PDE10A: variants seen among roughly 807,000 people sequenced by gnomAD.
PDE10A encodes phosphodiesterase 10A, also known as cAMP and cAMP-inhibited cGMP 3',5'-cyclic phosphodiesterase 10A.
PDE10A carries 39 observed loss-of-function variants against 97.7 expected under a neutral mutation model. The ratio of observed to expected loss-of-function variants is 0.40; its 90% CI spans 0.31 to 0.52. The LOEUF is 0.52. Ranked by LOEUF, PDE10A falls within the 20% of genes least tolerant of loss-of-function variation. The pLI is 0.56. For missense variants in PDE10A, 731 were observed against 1,047.8 expected (o/e 0.70, Z 4.17); for synonymous variants, 371 against 376.8 (o/e 0.98, Z 0.18).
chr6:165,458,747 C>T (rs1185928126), intron 3 of PDE10A, among the ~76,000 whole-genome samples: 1 of 152,096 alleles, frequency 6.6e-6, no homozygotes, highest in Non-Finnish European at 1.5e-5. Context: ...TGGTGTGCCC[C>T]TTTATTCCTA....
At chr6:165,726,231 G>C (rs1365354133) in intron 1 of PDE10A, among the ~76,000 whole-genome samples, 1 of 152,132 alleles carries the variant, frequency 6.6e-6, no homozygotes, top group Non-Finnish European at 1.5e-5. Flanking sequence ...CCAGCTCTTG[G>C]AGGAAACAAG....
At chr6:165,891,883 T>C (rs969307220) in intron 1 of PDE10A, among the ~76,000 whole-genome samples, 1 of 152,030 alleles carries the variant, frequency 6.6e-6, no homozygotes. Flanking sequence ...ATAACCTTCG[T>C]GATCACCCCC....
intron 21 of PDE10A, among the ~76,000 whole-genome samples, chr6:165,333,344 C>T (rs923931381): frequency 2.6e-5 from 4 of 152,150 alleles, no homozygotes; most frequent in Non-Finnish European, 4.4e-5. Flanking sequence ...GCACCTTGGT[C>T]CATCCGCTCT....
At chr6:165,607,622 A>G (rs1345770951) in intron 1 of PDE10A, among the ~76,000 whole-genome samples, 3 of 152,186 alleles carry the variant, frequency 2.0e-5, no homozygotes, top group Admixed American at 1.3e-4. Context: ...TAAGCGACAC[A>G]TAACTGTATT....
At chr6:165,839,618 C>T (rs1010496215) in intron 1 of PDE10A, among the ~76,000 whole-genome samples, 1 of 152,050 alleles carries the variant, frequency 6.6e-6, no homozygotes, top group African/African-American at 2.4e-5. Flanking sequence ...TTCAAGGGCT[C>T]TCTCTATTTC....
intron 1 of PDE10A, among the ~76,000 whole-genome samples, chr6:165,722,253 G>T (rs183206536): frequency 6.6e-6 from 1 of 152,184 alleles, no homozygotes; most frequent in Non-Finnish European, 1.5e-5. Context: ...ATTATCTGTG[G>T]AGCACAGAAG....
At chr6:165,818,269 G>C (rs1056803669) in intron 1 of PDE10A, among the ~76,000 whole-genome samples, 1 of 152,102 alleles carries the variant, frequency 6.6e-6, no homozygotes, top group African/African-American at 2.4e-5. Flanking sequence ...GAAGTAAAAG[G>C]AGAAACTGAT....
Position 165,416,602 on chromosome 6 carries a change from A to G in PDE10A, c.1797-321T>C, listed in dbSNP as rs113569380. Among the ~76,000 whole-genome samples, 1,427 of 152,320 alleles carry G rather than the reference A, an allele frequency of 9.4e-3. 49 individuals carry two copies. The highest frequency in any genetic ancestry group is 0.085 in the South Asian group (408 of 4,826). ...CTTATAATTTACAAGACGCTTCAACATAAATTTTTTTAGTGGATTCTCAAT... is the reference window on the plus strand; with the variant it reads ...CTTATAATTTACAAGACGCTTCAACGTAAATTTTTTTAGTGGATTCTCAAT... On this transcript the variant is annotated intron_variant, in intron 11 of 21. Coordinates refer to ENST00000539869, the MANE Select transcript of PDE10A (RefSeq NM_001385079.1).
At chr6:165,600,427 C>T (rs562204424) in intron 1 of PDE10A, among the ~76,000 whole-genome samples, 17 of 152,354 alleles carry the variant, frequency 1.1e-4, no homozygotes, top group Middle Eastern at 3.4e-3. Flanking sequence ...CTTTTGAGGA[C>T]GCTTGCTTCT....
chr6:165,566,693 C>G (rs1211430981), intron 1 of PDE10A, among the ~76,000 whole-genome samples: 3 of 152,130 alleles, frequency 2.0e-5, no homozygotes, highest in Non-Finnish European at 4.4e-5. Context: ...ATGAGTTGCT[C>G]TGTTCTAAAG....
intron 1 of PDE10A, among the ~76,000 whole-genome samples, chr6:165,765,405 G>A (rs1355873249): frequency 3.9e-5 from 6 of 152,250 alleles, no homozygotes; most frequent in African/African-American, 7.2e-5. Flanking sequence ...CAGGCATGGC[G>A]GGCTGCAGTC....
intron 2 of PDE10A, among the ~76,000 whole-genome samples, chr6:165,503,472 A>C (rs1422738652): frequency 6.6e-6 from 1 of 152,174 alleles, no homozygotes; most frequent in Non-Finnish European, 1.5e-5. Context: ...GAACAACAAG[A>C]GTCCATGCAG....
intron 2 of PDE10A, among the ~76,000 whole-genome samples, chr6:165,525,120 G>A (rs893005460): frequency 5.3e-5 from 8 of 152,152 alleles, no homozygotes; most frequent in Non-Finnish European, 1.0e-4. Flanking sequence ...ATAATAGTCT[G>A]AAGTCCCGGC....
chr6:165,812,586 G>C (rs548066253), intron 1 of PDE10A, among the ~76,000 whole-genome samples: 1 of 152,294 alleles, frequency 6.6e-6, no homozygotes, highest in African/African-American at 2.4e-5. Context: ...TTTCTCAAAA[G>C]TTTGGAGTTG....
At chr6:165,847,692 C>T (rs1002227899) in intron 1 of PDE10A, among the ~76,000 whole-genome samples, 12 of 152,224 alleles carry the variant, frequency 7.9e-5, no homozygotes, top group African/African-American at 2.7e-4. Flanking sequence ...ACTCCCATAG[C>T]GTAAGCCAGC....
Position 165,543,545 on chromosome 6 carries a change from C to A in PDE10A, c.889G>T (p.Ala297Ser). 6.2e-7 allele frequency: 1 copy of A among 1,610,040 alleles called. No homozygotes were observed. The highest frequency in any genetic ancestry group is 1.3e-5 in the African/African-American group (1 of 74,928). ...SPSLTDEKVK[A>S]YLSLHPQVLD... The stretch of plus-strand genomic sequence containing the variant: ...ACCTGGGGGTGAAGAGAAAGATATG[C>A]CTTCACTTTTTCATCTGTCAAACCT... The change falls in exon 2 of 22, where the codon GCA becomes TCA. Residue 297 changes from alanine (A) to serine (S), a missense_variant. Transcript: ENST00000539869.
intron 1 of PDE10A, among the ~76,000 whole-genome samples, chr6:165,642,279 C>T (rs1465479779): frequency 6.6e-6 from 1 of 152,162 alleles, no homozygotes; most frequent in Admixed American, 6.5e-5. Flanking sequence ...ATGAATGTGG[C>T]TTCCCGTGCA....
At chr6:165,342,072 T>A (rs1445026564) in intron 19 of PDE10A, among the ~76,000 whole-genome samples, 1 of 152,236 alleles carries the variant, frequency 6.6e-6, no homozygotes, top group Non-Finnish European at 1.5e-5. Flanking sequence ...TAAGTGTGTA[T>A]ATAAGTTTTG....
intron 1 of PDE10A, among the ~76,000 whole-genome samples, chr6:165,765,065 G>A (rs896913923): frequency 1.5e-4 from 23 of 152,280 alleles, no homozygotes; most frequent in African/African-American, 5.3e-4. Context: ...AGTGTGGATT[G>A]GTGCATTCAC....
Sources: gnomAD v4.1 joint callset for allele counts (sites outside exome capture counted in the v4.1 genomes callset) on GRCh38, gnomAD v4.1.1 for gene constraint, MANE v1.5 for transcripts, NCBI Gene and HGNC (gene_info 2026-07-23, HGNC 2026-07-21) for gene names.